The following VWC2L variants were observed in gnomAD, a reference collection of about 807,000 sequenced individuals.
The protein encoded by VWC2L is von Willebrand factor C domain containing 2 like, also known as von Willebrand factor C domain-containing protein 2-like.
VWC2L carries 10 observed loss-of-function variants against 21.6 expected under a neutral mutation model. The observed-to-expected ratio is 0.46, with a 90% CI of 0.29 to 0.78. VWC2L has a LOEUF of 0.78. Among genes scored for constraint, VWC2L ranks in the 30% least tolerant of loss-of-function variants. The pLI is 0.10. For missense variants in VWC2L, 209 were observed against 277.1 expected (o/e 0.75, Z 1.74); for synonymous variants, 96 against 94.3 (o/e 1.02, Z -0.10).
chr2:214,440,530 C>G (rs1052967977), intron 3 of VWC2L, among the ~76,000 whole-genome samples: 3 of 151,988 alleles, frequency 2.0e-5, no homozygotes, highest in Non-Finnish European at 2.9e-5. Flanking sequence ...AGCACAGCAT[C>G]TGTTTAAAGA....
At chr2:214,498,572 A>G in intron 3 of VWC2L, among the ~76,000 whole-genome samples, 1 of 151,844 alleles carries the variant, frequency 6.6e-6, no homozygotes, top group Non-Finnish European at 1.5e-5. Context: ...TATAATATAT[A>G]AAAAAGTGGG....
chr2:214,415,355 C>G (rs1702339378), intron 2 of VWC2L, among the ~76,000 whole-genome samples: 1 of 152,022 alleles, frequency 6.6e-6, no homozygotes, highest in South Asian at 2.1e-4. Flanking sequence ...TGATCTGAAC[C>G]CTGAAGGTAT....
intron 3 of VWC2L, among the ~76,000 whole-genome samples, chr2:214,476,467 T>C (rs899912519): frequency 2.6e-5 from 4 of 152,160 alleles, no homozygotes; most frequent in African/African-American, 7.2e-5. Context: ...CAAATGACAA[T>C]GATTGTGGGG....
intron 3 of VWC2L, among the ~76,000 whole-genome samples, chr2:214,514,554 T>C (rs1002659228): frequency 6.6e-6 from 1 of 152,168 alleles, no homozygotes; most frequent in Admixed American, 6.5e-5. Flanking sequence ...GCATATTCAG[T>C]TGCGAAGGGG....
chr2:214,483,791 C>T (rs1439033963), intron 3 of VWC2L, among the ~76,000 whole-genome samples: 1 of 152,042 alleles, frequency 6.6e-6, no homozygotes, highest in African/African-American at 2.4e-5. Context: ...GGCTTTTGAT[C>T]GAGGGATGGG....
chr2:214,411,905 A>T (rs924329674), intron 1 of VWC2L, 119 bp downstream of exon 1: 1 of 152,232 alleles, frequency 6.6e-6, no homozygotes, highest in African/African-American at 2.4e-5. Flanking sequence ...AGTGATCCTC[A>T]GTTTAGCAGT....
At chr2:214,556,052 G>T (rs1689867876) in intron 3 of VWC2L, among the ~76,000 whole-genome samples, 1 of 152,022 alleles carries the variant, frequency 6.6e-6, no homozygotes, top group Non-Finnish European at 1.5e-5. Flanking sequence ...TCAAGTCTCG[G>T]CAGATCACCA....
At chr2:214,469,126 AAC>A (rs1212424210) in intron 3 of VWC2L, among the ~76,000 whole-genome samples, 4 of 152,352 alleles carry the variant, frequency 2.6e-5, no homozygotes, top group East Asian at 3.9e-4. Context: ...ACTGAATTAA[AAC>A]AGTGATGAAA....
At chr2:214,415,513 T>C (rs1290453148) in intron 2 of VWC2L, among the ~76,000 whole-genome samples, 2 of 152,142 alleles carry the variant, frequency 1.3e-5, no homozygotes, top group Non-Finnish European at 1.5e-5. Flanking sequence ...AAAGCAGATA[T>C]AGCTAGTTTT....
At chr2:214,544,252 A>G (rs1689671186) in intron 3 of VWC2L, among the ~76,000 whole-genome samples, 1 of 152,178 alleles carries the variant, frequency 6.6e-6, no homozygotes, top group South Asian at 2.1e-4. Flanking sequence ...TTATCTGTAC[A>G]GGTATAGATT....
chr2:214,518,296 GTATGTA>G (rs1332954084), intron 3 of VWC2L, among the ~76,000 whole-genome samples: 1 of 152,156 alleles, frequency 6.6e-6, no homozygotes, highest in Non-Finnish European at 1.5e-5. Flanking sequence ...CTCATATGTA[GTATGTA>G]TAACAATATA....
intron 3 of VWC2L, among the ~76,000 whole-genome samples, chr2:214,542,570 G>A (rs564214480): frequency 1.9e-4 from 29 of 152,192 alleles, no homozygotes; most frequent in Non-Finnish European, 3.4e-4. Flanking sequence ...TGCCAAGGCC[G>A]ACAGAATTCC....
intron 3 of VWC2L, among the ~76,000 whole-genome samples, chr2:214,500,186 C>T (rs781114967): frequency 7.2e-5 from 11 of 152,172 alleles, no homozygotes; most frequent in Non-Finnish European, 1.6e-4. Flanking sequence ...TTCACCTAAA[C>T]GGCATCATCT....
intron 3 of VWC2L, among the ~76,000 whole-genome samples, chr2:214,540,120 T>C (rs572764407): frequency 3.3e-4 from 50 of 152,270 alleles, no homozygotes; most frequent in Admixed American, 2.9e-3. Context: ...CTAATGGTTA[T>C]TGAATAGAAC....
At chr2:214,469,400 C>A (rs556349632) in intron 3 of VWC2L, among the ~76,000 whole-genome samples, 1 of 152,234 alleles carries the variant, frequency 6.6e-6, no homozygotes, top group African/African-American at 2.4e-5. Flanking sequence ...GAGATCCAGA[C>A]CATCCTGGCT....
rs944239439 is a variant in VWC2L, at chr2:214,512,098, A to G, written c.521-63574A>G. ...TTGATCATATTTGATTATAGTCTTGATATCACTTGATTATGGTTTCATAGA... is the reference window on the plus strand; with the variant it reads ...TTGATCATATTTGATTATAGTCTTGGTATCACTTGATTATGGTTTCATAGA... On this transcript the variant is annotated intron_variant, in intron 3 of 3. Coordinates refer to ENST00000312504, the MANE Select transcript of VWC2L (RefSeq NM_001080500.4). Among the ~76,000 whole-genome samples, 25 of 152,134 alleles carry G rather than the reference A, an allele frequency of 1.6e-4. 1 individual carries two copies. Among genetic ancestry groups the G allele is most frequent in the Middle Eastern group, 3.4e-3 (1 of 294 alleles).
intron 2 of VWC2L, among the ~76,000 whole-genome samples, chr2:214,431,186 G>A (rs550037631): frequency 6.6e-6 from 1 of 152,292 alleles, no homozygotes; most frequent in South Asian, 2.1e-4. Context: ...TTAATGAAGT[G>A]AACAGTGAGA....
At chr2:214,445,044 A>G (rs961706643) in intron 3 of VWC2L, among the ~76,000 whole-genome samples, 3 of 152,098 alleles carry the variant, frequency 2.0e-5, no homozygotes, top group Admixed American at 1.3e-4. Flanking sequence ...TTCATATATT[A>G]AAAGAAGATT....
intron 2 of VWC2L, among the ~76,000 whole-genome samples, chr2:214,424,596 G>A (rs116546203): frequency 0.012 from 1,812 of 152,190 alleles, 35 homozygotes; most frequent in African/African-American, 0.041. Context: ...TTTTTACTAC[G>A]ATTACTATTA....
Sources: allele counts gnomAD v4.1 joint callset (sites outside exome capture counted in the v4.1 genomes callset), GRCh38; gene constraint gnomAD v4.1.1; transcripts MANE v1.5; gene names NCBI Gene and HGNC (gene_info 2026-07-23, HGNC 2026-07-21).